Variants in ITSN1 observed in about 807,000 individuals in gnomAD.
ITSN1 encodes intersectin 1, also known as intersectin-1.
ITSN1 carries 58 observed loss-of-function variants against 239.8 expected under a neutral mutation model. That is an observed-to-expected ratio of 0.24 (90% CI 0.20 to 0.30). The LOEUF (loss-of-function observed/expected upper bound fraction) is 0.30. ITSN1 is among the 10% of genes least tolerant of loss of function. ITSN1 has a pLI of 1.00. For synonymous variants in ITSN1, 780 were observed against 770.8 expected, an observed-to-expected ratio of 1.01 and a Z score of -0.20; for missense variants, 1,558 against 2,103.3, an observed-to-expected ratio of 0.74 and a Z score of 5.07.
intron 33 of ITSN1, among the ~76,000 whole-genome samples, 189 bp downstream of exon 33, chr21:33,867,520 G>A (rs1465279054): frequency 2.6e-5 from 4 of 152,090 alleles, no homozygotes. Flanking sequence ...CAAAGAGCTG[G>A]CTGGGCACGG....
intron 31 of ITSN1, among the ~76,000 whole-genome samples, chr21:33,864,693 A>C (rs936287782): frequency 2.7e-4 from 41 of 152,224 alleles, no homozygotes; most frequent in African/African-American, 9.4e-4. Context: ...TATTTTGCCA[A>C]GGCATTTGTT....
intron 5 of ITSN1, among the ~76,000 whole-genome samples, chr21:33,741,151 CG>C (rs2066825966): frequency 6.6e-6 from 1 of 152,098 alleles, no homozygotes; most frequent in Admixed American, 6.5e-5. Context: ...TAACTGGTTG[CG>C]CAGTATGCTG....
intron 29 of ITSN1, among the ~76,000 whole-genome samples, chr21:33,842,495 GGTGTGTGTGT>G (rs34019939): frequency 0.063 from 9,315 of 148,148 alleles, 384 homozygotes; most frequent in Non-Finnish European, 0.076. Flanking sequence ...TGATGTCAAC[GGTGTGTGTGT>G]GTGTGTGTGT....
At chr21:33,835,326 A>G (rs1249912875) in intron 28 of ITSN1, among the ~76,000 whole-genome samples, 1 of 152,178 alleles carries the variant, frequency 6.6e-6, no homozygotes, top group Non-Finnish European at 1.5e-5. Context: ...GAGATGTGTC[A>G]GTATCCCTCC....
At chr21:33,784,000 T>C (rs2070416028) in intron 16 of ITSN1, among the ~76,000 whole-genome samples, 1 of 152,252 alleles carries the variant, frequency 6.6e-6, no homozygotes, top group African/African-American at 2.4e-5. Context: ...CTTTGTTTAA[T>C]TGACTATGGC....
chr21:33,672,314 A>G (rs1039389089), intron 1 of ITSN1, among the ~76,000 whole-genome samples: 16 of 152,308 alleles, frequency 1.1e-4, no homozygotes, highest in South Asian at 2.1e-4. Context: ...TCTTCATTCT[A>G]TCATACAATT....
chr21:33,809,456 A>G (rs1388200035), intron 20 of ITSN1, among the ~76,000 whole-genome samples: 1 of 152,192 alleles, frequency 6.6e-6, no homozygotes, highest in Non-Finnish European at 1.5e-5. Context: ...TACCCCAAAC[A>G]TTTGTTAATT....
Position 33,865,479 on chromosome 21 carries a change from C to A in ITSN1, c.4074+145C>A. 1.3e-5 allele frequency: 8 copies of A among 602,330 alleles called. No homozygotes were observed. The highest frequency in any genetic ancestry group is 2.2e-5 in the Non-Finnish European group (8 of 366,734). The allele number at this position is 602,330 out of a possible 1,614,324, so 37.3% of individuals were successfully genotyped here. ...AGGGTCTTGGCTAAGCCTTAGGGGACTGGCACTCACTGGCAAGTGTGGCTG... is the reference window on the plus strand; with the variant it reads ...AGGGTCTTGGCTAAGCCTTAGGGGAATGGCACTCACTGGCAAGTGTGGCTG... On this transcript the variant is annotated intron_variant, in intron 32 of 39. Coordinates refer to ENST00000381318, the MANE Select transcript of ITSN1 (RefSeq NM_003024.3). This position sits in a 1 kb window ranked among gnomAD's most constrained non-coding sequence, Gnocchi z 4.4.
In ITSN1 at chr21:33,858,764, C is replaced by T. The variant is rs1377980974; in HGVS notation, c.3862C>T (p.Leu1288=). 3.1e-6 allele frequency: 5 copies of T among 1,612,420 alleles called. No individual in the cohort carries two copies. In the East Asian group the frequency reaches 6.7e-5, roughly 22 times the overall value. ...TATGATTTTTGTGAACTGGAAGGAG[C>T]TGATTATGTGTAATATCAAACTACT... ...VAMIFVNWKE[L]IMCNIKLLKA... Residue 1288 remains leucine (L), a synonymous_variant, in exon 31 of 40, where the codon CTG becomes TTG. Transcript: ENST00000381318.
Position 33,730,548 on chromosome 21 carries a change from G to A in ITSN1, c.186-4496G>A, listed in dbSNP as rs573143891. ...CCTGAGTAGCTGGGATTACAGGCAC[G>A]TGCCACCATGCCCAGCTAATTTTTT... On this transcript the variant is annotated intron_variant, in intron 4 of 39. Coordinates refer to ENST00000381318, the MANE Select transcript of ITSN1 (RefSeq NM_003024.3). 1.3e-4 allele frequency among the ~76,000 whole-genome samples: 20 copies of A among 151,130 alleles called. No individual in the cohort carries two copies. The South Asian group carries it at 4.0e-3, about 30-fold the overall frequency.
chr21:33,770,514 C>T (rs916579411), intron 11 of ITSN1, among the ~76,000 whole-genome samples: 1 of 152,182 alleles, frequency 6.6e-6, no homozygotes, highest in African/African-American at 2.4e-5. Context: ...GCAGCCACAA[C>T]CTCTCTTGTC....
At chr21:33,828,536 T>C (rs552847602) in intron 26 of ITSN1, among the ~76,000 whole-genome samples, 1 of 152,374 alleles carries the variant, frequency 6.6e-6, no homozygotes, top group African/African-American at 2.4e-5. Flanking sequence ...TCTTACTTGT[T>C]CCCTGGAGTG....
chr21:33,896,966 T>C lies in ITSN1; in HGVS notation c.*8666T>C, dbSNP rs777052851. On this transcript the variant is annotated 3_prime_UTR_variant, in exon 40 of 40. Transcript: ENST00000381318. ...GACATAACAAATTATGGCTTTGTTT[T>C]CATGCGTCATGCAATCTTCCGGACT... The C allele has an allele frequency of 6.6e-6, 1 of 152,260 alleles. No homozygotes were observed. The highest frequency in any genetic ancestry group is 2.4e-5 in the African/African-American group (1 of 41,464). The allele number at this position is 152,260 out of a possible 1,614,324, so 9.4% of individuals were successfully genotyped here.
intron 5 of ITSN1, among the ~76,000 whole-genome samples, chr21:33,748,898 G>A (rs2067362114): frequency 6.6e-6 from 1 of 151,642 alleles, no homozygotes; most frequent in Non-Finnish European, 1.5e-5. Context: ...AAATCAATAG[G>A]GGGCATTTAA....
chr21:33,836,799 A>T (rs989689850), intron 29 of ITSN1, among the ~76,000 whole-genome samples, 167 bp downstream of exon 29: 1 of 152,032 alleles, frequency 6.6e-6, no homozygotes, highest in Non-Finnish European at 1.5e-5. Flanking sequence ...AGTTTATCTC[A>T]TGGGGTTTTA....
chr21:33,792,210 T>C (rs1181359665), intron 16 of ITSN1, among the ~76,000 whole-genome samples: 1 of 152,068 alleles, frequency 6.6e-6, no homozygotes, highest in Admixed American at 6.6e-5. Flanking sequence ...CCTTTTTTAT[T>C]TTTTATTTTT....
rs79326250 is a variant in ITSN1 at position 33,875,071 on chromosome 21, T to A, written c.4174-283T>A. On this transcript the variant is annotated intron_variant, in intron 33 of 39. Transcript: ENST00000381318. ...CGATGTTAACATTTTGCCGGACAGATCACATAGCTTGCCCTGGACATTCAG... is the reference window on the plus strand; with the variant it reads ...CGATGTTAACATTTTGCCGGACAGAACACATAGCTTGCCCTGGACATTCAG... Among the ~76,000 whole-genome samples the A allele has an allele frequency of 3.7e-3, 561 of 152,296 alleles. 2 individuals are homozygous for A. The highest frequency in any genetic ancestry group is 6.3e-3 in the Non-Finnish European group (431 of 68,022).
At chr21:33,730,547 C>T (rs992212114) in intron 4 of ITSN1, among the ~76,000 whole-genome samples, 11 of 150,952 alleles carry the variant, frequency 7.3e-5, no homozygotes, top group African/African-American at 2.2e-4. Flanking sequence ...ATTACAGGCA[C>T]GTGCCACCAT....
rs1223865374 is a variant in ITSN1, at chr21:33,860,406, G to A, written c.3890+1614G>A. 2.6e-5 allele frequency among the ~76,000 whole-genome samples: 4 copies of A among 152,218 alleles called. No homozygotes were observed. The East Asian group carries it at 7.7e-4, about 29-fold the overall frequency. On this transcript the variant is annotated intron_variant, in intron 31 of 39. Transcript: ENST00000381318. The stretch of plus-strand genomic sequence containing the variant: ...TCAGTGGGGGCTGGGGGAGGCGGGA[G>A]ATGTTTCTGAGCTTCCCAAGTAGCC...
Sources: gnomAD v4.1 joint callset for allele counts (sites outside exome capture counted in the v4.1 genomes callset) on GRCh38, gnomAD v4.1.1 for gene constraint, Gnocchi (gnomAD v3.1) non-coding constraint, MANE v1.5 for transcripts, NCBI Gene and HGNC (gene_info 2026-07-23, HGNC 2026-07-21) for gene names.